The following ARB2A variants were observed in gnomAD, a reference collection of about 807,000 sequenced individuals.
The protein encoded by ARB2A is ARB2 cotranscriptional regulator A.
the ARB2A span, chr5:93,737,369 T>C: frequency 1.3e-5 from 2 of 152,162 alleles, no homozygotes; most frequent in African/African-American, 2.4e-5. Flanking sequence ...TAAAGCAATA[T>C]GAGGGTTCAA....
the ARB2A span, among the ~76,000 whole-genome samples, chr5:93,623,168 A>T: frequency 6.6e-6 from 1 of 152,068 alleles, no homozygotes; most frequent in Admixed American, 6.6e-5. Context: ...TAATGGTAGG[A>T]CATTTTAAAA....
At chr5:94,092,539 TTC>T in the ARB2A span, among the ~76,000 whole-genome samples, 2 of 152,238 alleles carry the variant, frequency 1.3e-5, no homozygotes, top group African/African-American at 2.4e-5. Flanking sequence ...TCTTTCATTT[TTC>T]TGTTATACAT....
the ARB2A span, among the ~76,000 whole-genome samples, chr5:93,940,082 T>C: frequency 6.6e-6 from 1 of 152,060 alleles, no homozygotes; most frequent in South Asian, 2.1e-4. Flanking sequence ...TTCATAAACA[T>C]GTTACCAGCT....
chr5:93,770,331 C>T, the ARB2A span, among the ~76,000 whole-genome samples: 32 of 152,234 alleles, frequency 2.1e-4, 1 homozygote, highest in African/African-American at 7.7e-4. Context: ...CTATCTATGA[C>T]AAACCCACAG....
At chr5:93,796,398 T>C in the ARB2A span, among the ~76,000 whole-genome samples, 13 of 152,310 alleles carry the variant, frequency 8.5e-5, no homozygotes, top group East Asian at 1.5e-3. Flanking sequence ...GGGGTGGTTC[T>C]TGACCAGCTC....
chr5:94,002,504 T>C, the ARB2A span, among the ~76,000 whole-genome samples: 2 of 152,112 alleles, frequency 1.3e-5, no homozygotes, highest in African/African-American at 2.4e-5. Flanking sequence ...CATTATTTTC[T>C]GCTCCAGTAA....
At chr5:93,640,506 TC>T in the ARB2A span, among the ~76,000 whole-genome samples, 3 of 151,720 alleles carry the variant, frequency 2.0e-5, no homozygotes, top group Non-Finnish European at 4.4e-5. Context: ...GATACTGAAC[TC>T]AATCCTAAAT....
chr5:93,695,681 C>T, the ARB2A span, among the ~76,000 whole-genome samples: 3 of 152,162 alleles, frequency 2.0e-5, no homozygotes, highest in Non-Finnish European at 4.4e-5. Context: ...AATCTCATTA[C>T]TGGGTATATA....
the ARB2A span, among the ~76,000 whole-genome samples, chr5:93,854,307 C>T: frequency 6.6e-6 from 1 of 152,042 alleles, no homozygotes; most frequent in Non-Finnish European, 1.5e-5. Flanking sequence ...GGTGGCATCC[C>T]CTTTATCATT....
the ARB2A span, among the ~76,000 whole-genome samples, chr5:94,093,209 A>G: frequency 1.3e-5 from 2 of 152,140 alleles, no homozygotes; most frequent in Non-Finnish European, 2.9e-5. Context: ...TATATAGGAA[A>G]CCGTGCTCTA....
chr5:94,056,990 C>A, the ARB2A span, among the ~76,000 whole-genome samples: 1 of 152,186 alleles, frequency 6.6e-6, no homozygotes, highest in Non-Finnish European at 1.5e-5. Context: ...CACAGAGCAA[C>A]AACGCTGAGT....
the ARB2A span, among the ~76,000 whole-genome samples, chr5:93,975,284 T>C: frequency 7.7e-6 from 1 of 129,754 alleles, no homozygotes. Flanking sequence ...GCCACTGCAC[T>C]CCAGCCTGGG....
At chr5:93,828,022 T>C in the ARB2A span, among the ~76,000 whole-genome samples, 1 of 152,294 alleles carries the variant, frequency 6.6e-6, no homozygotes, top group Non-Finnish European at 1.5e-5. Context: ...AGTCAGGTAG[T>C]GTGATGCCTC....
At chr5:93,670,045 A>T in the ARB2A span, among the ~76,000 whole-genome samples, 3 of 152,122 alleles carry the variant, frequency 2.0e-5, no homozygotes, top group Non-Finnish European at 4.4e-5. Flanking sequence ...CACCACCCAG[A>T]TGTTCAAGCC....
At chr5:93,961,379 A>C in the ARB2A span, among the ~76,000 whole-genome samples, 37 of 152,334 alleles carry the variant, frequency 2.4e-4, no homozygotes, top group African/African-American at 8.9e-4. Context: ...TTTGAAGTCC[A>C]CAGTAATCAC....
chr5:94,098,959 C>T, the ARB2A span, among the ~76,000 whole-genome samples: 4 of 152,074 alleles, frequency 2.6e-5, no homozygotes, highest in East Asian at 1.9e-4. Flanking sequence ...AGACCATTAA[C>T]GAGCTCCAAA....
chr5:94,060,821 G>A, the ARB2A span, among the ~76,000 whole-genome samples: 1 of 151,860 alleles, frequency 6.6e-6, no homozygotes. Context: ...AACCAAACAG[G>A]GCTTATGACA....
chr5:93,850,764 A>G, the ARB2A span, among the ~76,000 whole-genome samples: 1 of 152,206 alleles, frequency 6.6e-6, no homozygotes, highest in Non-Finnish European at 1.5e-5. Flanking sequence ...TACCATATAT[A>G]TTTAACATTT....
chr5:93,701,700 C>T, the ARB2A span, among the ~76,000 whole-genome samples: 4 of 152,028 alleles, frequency 2.6e-5, no homozygotes, highest in South Asian at 8.3e-4. Context: ...ATTGATCTTG[C>T]AAAGCTACTG....
Sources: gnomAD v4.1 joint callset for allele counts (sites outside exome capture counted in the v4.1 genomes callset) on GRCh38, gnomAD v4.1.1 for gene constraint, MANE v1.5 for transcripts, NCBI Gene and HGNC (gene_info 2026-07-23, HGNC 2026-07-21) for gene names.